The following CNTNAP5 variants were observed in gnomAD, a reference collection of about 807,000 sequenced individuals.
The protein encoded by CNTNAP5 is contactin-associated protein-like 5.
In CNTNAP5, 72 loss-of-function variants were observed where a neutral mutation model predicts 150.2. The ratio of observed to expected loss-of-function variants is 0.48; its 90% CI spans 0.40 to 0.58. The LOEUF (loss-of-function observed/expected upper bound fraction) is 0.58, where lower values mean the gene tolerates loss of function less well. Among genes scored for constraint, CNTNAP5 ranks in the 20% least tolerant of loss-of-function variants. CNTNAP5 has a pLI of 0.00. For synonymous variants in CNTNAP5, 672 were observed against 619.8 expected, an observed-to-expected ratio of 1.08 and a Z score of -1.25; for missense variants, 1,636 against 1,626.2, an observed-to-expected ratio of 1.01 and a Z score of -0.10.
chr2:124,210,839 T>C (rs959605312), intron 1 of CNTNAP5, among the ~76,000 whole-genome samples: 5 of 152,164 alleles, frequency 3.3e-5, no homozygotes, highest in African/African-American at 1.2e-4. Flanking sequence ...GGCCCTATTT[T>C]AACATATTCG....
chr2:124,251,278 AAC>A (rs1023086154), intron 3 of CNTNAP5, among the ~76,000 whole-genome samples: 1 of 142,230 alleles, frequency 7.0e-6, no homozygotes, highest in Admixed American at 7.2e-5. Flanking sequence ...AGGAAAAAGA[AAC>A]AGTTTTCCCC....
intron 3 of CNTNAP5, among the ~76,000 whole-genome samples, chr2:124,408,581 C>T (rs1224424490): frequency 2.0e-5 from 3 of 151,902 alleles, no homozygotes; most frequent in East Asian, 1.9e-4. Context: ...TGACCCCTGA[C>T]CCCCGAGCAG....
intron 4 of CNTNAP5, among the ~76,000 whole-genome samples, chr2:124,431,027 C>T (rs1242295050): frequency 6.6e-6 from 1 of 152,078 alleles, no homozygotes; most frequent in East Asian, 1.9e-4. Flanking sequence ...AACTGGAGCT[C>T]AAAGAAATCA....
chr2:124,851,359 A>G lies in CNTNAP5; in HGVS notation c.3218-13947A>G, dbSNP rs1683151413. ...CAACAAAAGAGAAACTCCATCCAAA[A>G]AAAGAAAGAAAGTTGCAGAAGTTTC... On this transcript the variant is annotated intron_variant, in intron 19 of 23. Coordinates refer to ENST00000682447, the MANE Select transcript of CNTNAP5 (RefSeq NM_001367498.1). Among the ~76,000 whole-genome samples the G allele has an allele frequency of 2.0e-5, 3 of 152,330 alleles. No individual in the cohort carries two copies. In the South Asian group the frequency reaches 6.2e-4, roughly 32 times the overall value.
chr2:124,600,099 G>T (rs1696949534), intron 11 of CNTNAP5, among the ~76,000 whole-genome samples: 1 of 152,200 alleles, frequency 6.6e-6, no homozygotes, highest in South Asian at 2.1e-4. Context: ...GTAAACAAAA[G>T]TGTATGCTTG....
chr2:124,556,315 C>T lies in CNTNAP5; in HGVS notation c.1650-6902C>T, dbSNP rs538092561. The stretch of plus-strand genomic sequence containing the variant: ...AAATAATACCATTAAAGCAACATCC[C>T]AGATGTGATTGTGAGCACATGTCAA... On this transcript the variant is annotated intron_variant, in intron 10 of 23. Coordinates refer to ENST00000682447, the MANE Select transcript of CNTNAP5 (RefSeq NM_001367498.1). Among the ~76,000 whole-genome samples the T allele has an allele frequency of 3.3e-5, 5 of 152,174 alleles. No individual in the cohort carries two copies. The South Asian group carries it at 1.0e-3, about 32-fold the overall frequency.
Position 124,764,132 on chromosome 2 carries a change from C to T in CNTNAP5, c.2518C>T (p.Arg840Ter). 3 of 1,612,140 alleles carry T rather than the reference C, an allele frequency of 1.9e-6. No homozygotes were observed. Among genetic ancestry groups the T allele is most frequent in the Non-Finnish European group, 2.5e-6 (3 of 1,178,578 alleles). ...AAATCTTGGCATTAAAGACTTCATTCGACTCGAAATAAGCTGTAAGTGCCC... is the reference window on the plus strand; with the variant it reads ...AAATCTTGGCATTAAAGACTTCATTTGACTCGAAATAAGCTGTAAGTGCCC... ...LENLGIKDFI[R>*]LEISSPSEIT... The change falls in exon 16 of 24, where the codon CGA (arginine) becomes TGA (stop). Residue 840 changes from arginine (R) to a stop codon, truncating the protein, a stop_gained. Transcript: ENST00000682447. LOFTEE classifies it high-confidence loss of function.
intron 23 of CNTNAP5, among the ~76,000 whole-genome samples, chr2:124,912,931 G>T (rs767787476): frequency 2.8e-4 from 43 of 151,976 alleles, no homozygotes; most frequent in Non-Finnish European, 5.0e-4. Flanking sequence ...TCATAGACTT[G>T]CTAACTTAGA....
At chr2:124,207,172 G>T (rs1013107790) in intron 1 of CNTNAP5, among the ~76,000 whole-genome samples, 13 of 152,238 alleles carry the variant, frequency 8.5e-5, no homozygotes, top group African/African-American at 2.4e-4. Context: ...AAATGCACTT[G>T]AAAAATTCTG....
intron 2 of CNTNAP5, among the ~76,000 whole-genome samples, chr2:124,239,013 A>G (rs918969553): frequency 2.6e-5 from 4 of 152,196 alleles, no homozygotes; most frequent in Non-Finnish European, 5.9e-5. Flanking sequence ...CTTTGGCTGA[A>G]ACTCTTGGGC....
intron 4 of CNTNAP5, among the ~76,000 whole-genome samples, chr2:124,422,374 C>G (rs1235954148): frequency 6.6e-6 from 1 of 152,134 alleles, no homozygotes; most frequent in Non-Finnish European, 1.5e-5. Flanking sequence ...TTTATTTAGC[C>G]TTTAAGATAC....
intron 1 of CNTNAP5, among the ~76,000 whole-genome samples, chr2:124,081,039 C>G (rs1175014966): frequency 6.6e-6 from 1 of 152,098 alleles, no homozygotes; most frequent in Non-Finnish European, 1.5e-5. Context: ...TTCTTGTAGT[C>G]ATAAATCATC....
chr2:124,728,707 T>C (rs1680210140), intron 13 of CNTNAP5, among the ~76,000 whole-genome samples: 2 of 152,044 alleles, frequency 1.3e-5, no homozygotes, highest in African/African-American at 4.8e-5. Flanking sequence ...ATATTTGTAA[T>C]AAATATGGAA....
At chr2:124,497,296 G>A (rs1308158852) in intron 7 of CNTNAP5, among the ~76,000 whole-genome samples, 1 of 152,108 alleles carries the variant, frequency 6.6e-6, no homozygotes, top group Non-Finnish European at 1.5e-5. Flanking sequence ...ACTGACCAAT[G>A]TTTGACTAGA....
chr2:124,504,387 A>G lies in CNTNAP5; in HGVS notation c.1158A>G (p.Gln386=), dbSNP rs967548138. The change falls in exon 8 of 24, where the codon CAA becomes CAG. Residue 386 remains glutamine, a synonymous_variant. Coordinates refer to ENST00000682447, the MANE Select transcript of CNTNAP5 (RefSeq NM_001367498.1). ...ATTTGCTGCTGCCCGGCACCCCCCA[A>G]ATTGATGGGCTCTCAGTGAGTTTCC... The part of the protein sequence containing the change: ...GSYLLLPGTP[Q]IDGLSVSFQF... The G allele has an allele frequency of 2.5e-6, 4 of 1,613,890 alleles. No homozygotes were observed. The highest frequency in any genetic ancestry group is 3.4e-6 in the Non-Finnish European group (4 of 1,179,862).
intron 21 of CNTNAP5, among the ~76,000 whole-genome samples, chr2:124,878,199 C>G (rs1234405092): frequency 6.6e-6 from 1 of 152,036 alleles, no homozygotes; most frequent in East Asian, 1.9e-4. Flanking sequence ...GTGAGGGAGT[C>G]TTTAATCATG....
chr2:124,865,282 A>C, intron 19 of CNTNAP5, 24 bp from the exon 20 acceptor site: 3 of 1,541,282 alleles, frequency 1.9e-6, no homozygotes, highest in Non-Finnish European at 2.6e-6. Context: ...TTTATATTCT[A>C]ATTTCTAATA....
At chr2:124,398,636 A>C (rs143650299) in intron 3 of CNTNAP5, among the ~76,000 whole-genome samples, 6,101 of 152,142 alleles carry the variant, frequency 0.04, 135 homozygotes, top group Non-Finnish European at 0.042. Context: ...AGCTAGGATT[A>C]CAGGCATGTG....
intron 13 of CNTNAP5, among the ~76,000 whole-genome samples, chr2:124,695,290 G>A (rs1044389560): frequency 1.3e-5 from 2 of 152,148 alleles, no homozygotes; most frequent in Admixed American, 1.3e-4. Flanking sequence ...ACAATCTCAA[G>A]ATCACAGACA....
Sources: gnomAD v4.1 joint callset for allele counts (sites outside exome capture counted in the v4.1 genomes callset) on GRCh38, gnomAD v4.1.1 for gene constraint, MANE v1.5 for transcripts, NCBI Gene and HGNC (gene_info 2026-07-23, HGNC 2026-07-21) for gene names.